The following DPF3 variants were observed in gnomAD, a reference collection of about 807,000 sequenced individuals.
The protein encoded by DPF3 is double PHD fingers 3.
Under a neutral mutation model 56.8 loss-of-function variants are expected in DPF3, and 18 were observed. The observed-to-expected ratio is 0.32, with a 90% CI of 0.22 to 0.47. The LOEUF is 0.47. Ranked by LOEUF, DPF3 falls within the 20% of genes least tolerant of loss-of-function variation. DPF3 has a pLI of 1.00. For missense variants in DPF3, 403 were observed against 488.8 expected (o/e 0.82, Z 1.65); for synonymous variants, 188 against 180.2 (o/e 1.04, Z -0.35).
At chr14:72,748,115 T>C (rs779566323) in intron 3 of DPF3, among the ~76,000 whole-genome samples, 1 of 152,162 alleles carries the variant, frequency 6.6e-6, no homozygotes, top group Non-Finnish European at 1.5e-5. Flanking sequence ...GACAGCGAAA[T>C]GTGGGAAAGT....
chr14:72,766,089 G>T (rs904053645), intron 2 of DPF3, among the ~76,000 whole-genome samples: 1 of 152,166 alleles, frequency 6.6e-6, no homozygotes, highest in African/African-American at 2.4e-5. Context: ...CTTGATTGTG[G>T]TAATGGTTCC....
intron 1 of DPF3, among the ~76,000 whole-genome samples, chr14:72,824,564 T>TTC (rs11464689): frequency 7.8e-6 from 1 of 127,508 alleles, no homozygotes; most frequent in African/African-American, 3.0e-5. Context: ...TTTTTTTTTT[T>TTC]GTTTGTTTGT....
At chr14:72,892,313 A>T in intron 1 of DPF3, 1 of 1,535,494 alleles carries the variant, frequency 6.5e-7, no homozygotes, top group Non-Finnish European at 8.7e-7. Context: ...GATGCGGCGA[A>T]GTTACGCCCA....
intron 7 of DPF3, among the ~76,000 whole-genome samples, chr14:72,675,013 A>G (rs1886849139): frequency 6.6e-6 from 1 of 152,214 alleles, no homozygotes; most frequent in South Asian, 2.1e-4. Context: ...CCAAGTGCCT[A>G]AAATCAGAAC....
intron 7 of DPF3, among the ~76,000 whole-genome samples, chr14:72,680,160 C>G (rs1887098160): frequency 1.3e-5 from 2 of 152,192 alleles, no homozygotes; most frequent in South Asian, 4.1e-4. Flanking sequence ...GCAAAGGGAG[C>G]ATCAAAGCCG....
Position 72,610,927 on chromosome 14 carries a change from C to T in DPF3, c.*8370G>A, listed in dbSNP as rs1360769071. Among the ~76,000 whole-genome samples the T allele has an allele frequency of 6.6e-6, 1 of 152,244 alleles. No individual in the cohort carries two copies. Among genetic ancestry groups the T allele is most frequent in the Non-Finnish European group, 1.5e-5 (1 of 68,038 alleles). On this transcript the variant is annotated 3_prime_UTR_variant, in exon 11 of 11. Transcript: ENST00000556509. ...TCAGAGAAGTCTTGGCTCAAAAGAA[C>T]GTTGCCCACAGGCTTTCAAGTAGGT...
At chr14:72,653,427 G>C (rs1235277502) in intron 8 of DPF3, among the ~76,000 whole-genome samples, 1 of 152,236 alleles carries the variant, frequency 6.6e-6, no homozygotes, top group African/African-American at 2.4e-5. Flanking sequence ...ACAAGGTGAG[G>C]TGAAGAGCGA....
intron 8 of DPF3, among the ~76,000 whole-genome samples, chr14:72,656,457 G>A (rs908453910): frequency 1.3e-5 from 2 of 152,178 alleles, no homozygotes; most frequent in African/African-American, 4.8e-5. Flanking sequence ...ACATAATCCA[G>A]TCAAGCAGAT....
chr14:72,839,386 CG>C (rs974357837), intron 1 of DPF3, among the ~76,000 whole-genome samples: 5 of 152,066 alleles, frequency 3.3e-5, no homozygotes, highest in African/African-American at 1.2e-4. Context: ...CAAAGGCATT[CG>C]GCAATTTGTG....
chr14:72,763,643 A>G (rs1313094043), intron 2 of DPF3, among the ~76,000 whole-genome samples: 2 of 152,182 alleles, frequency 1.3e-5, no homozygotes, highest in African/African-American at 4.8e-5. Context: ...TTTAGGAAAA[A>G]AAAATAAGAG....
chr14:72,625,877 G>C (rs1202588586), intron 9 of DPF3, among the ~76,000 whole-genome samples: 1 of 151,994 alleles, frequency 6.6e-6, no homozygotes, highest in Admixed American at 6.5e-5. Flanking sequence ...ACTCTCATTA[G>C]TCACAATACA....
chr14:72,619,240 G>C lies in DPF3; in HGVS notation c.*57C>G. On this transcript the variant is annotated 3_prime_UTR_variant, in exon 11 of 11. Transcript: ENST00000556509. ...GTGGGAGGAGGGCGCGTTCTGGTTT[G>C]AACTGGGCTCTGCTTTAGGATCTCC... 6.6e-7 allele frequency: 1 copy of C among 1,516,998 alleles called. No homozygotes were observed. The highest frequency in any genetic ancestry group is 8.8e-7 in the Non-Finnish European group (1 of 1,131,636). 94.0% of individuals were successfully genotyped at this position (1,516,998 alleles called of 1,614,324 possible).
chr14:72,645,199 C>T (rs1885683737), intron 8 of DPF3, among the ~76,000 whole-genome samples: 1 of 152,202 alleles, frequency 6.6e-6, no homozygotes, highest in South Asian at 2.1e-4. Flanking sequence ...ACAGCTAAGA[C>T]CCAAACCAAA....
At chr14:72,829,868 A>G (rs896334598) in intron 1 of DPF3, among the ~76,000 whole-genome samples, 6 of 151,826 alleles carry the variant, frequency 4.0e-5, no homozygotes, top group Admixed American at 6.6e-5. Context: ...TCAGCCTCCC[A>G]AGTAGCTGGG....
intron 3 of DPF3, among the ~76,000 whole-genome samples, chr14:72,739,171 G>C (rs144841136): frequency 0.021 from 3,237 of 151,998 alleles, 120 homozygotes; most frequent in Admixed American, 0.084. Flanking sequence ...GAACCTGGAA[G>C]GGGGAGGTTG....
chr14:72,858,276 C>G (rs1410090924), intron 1 of DPF3, among the ~76,000 whole-genome samples: 1 of 146,628 alleles, frequency 6.8e-6, no homozygotes, highest in Admixed American at 6.9e-5. Flanking sequence ...CCACTGCACT[C>G]CAGCCTGGGT....
At chr14:72,717,260 C>G (rs1332456441) in intron 5 of DPF3, among the ~76,000 whole-genome samples, 2 of 152,246 alleles carry the variant, frequency 1.3e-5, no homozygotes, top group East Asian at 1.9e-4. Flanking sequence ...CAGATAGACA[C>G]AGGTTGAAAC....
intron 7 of DPF3, among the ~76,000 whole-genome samples, chr14:72,675,059 T>C (rs1006850527): frequency 1.3e-5 from 2 of 152,218 alleles, no homozygotes; most frequent in African/African-American, 2.4e-5. Context: ...CTCAGCCTCA[T>C]GCCAGAGATG....
intron 5 of DPF3, among the ~76,000 whole-genome samples, chr14:72,718,821 A>G (rs1461408870): frequency 1.6e-5 from 2 of 124,804 alleles, no homozygotes; most frequent in African/African-American, 6.1e-5. Flanking sequence ...GCTGGAGTGC[A>G]GTGGCTCAAT....
Sources: allele counts gnomAD v4.1 joint callset (sites outside exome capture counted in the v4.1 genomes callset), GRCh38; gene constraint gnomAD v4.1.1; transcripts MANE v1.5; gene names NCBI Gene and HGNC (gene_info 2026-07-23, HGNC 2026-07-21).